The following CLCA2 variants were observed in gnomAD, a reference collection of about 807,000 sequenced individuals.
The protein encoded by CLCA2 is calcium-activated chloride channel regulator 2.
In CLCA2, 85 loss-of-function variants were observed where a neutral mutation model predicts 82.9. The ratio of observed to expected loss-of-function variants is 1.03; its 90% CI spans 0.86 to 1.23. The LOEUF (loss-of-function observed/expected upper bound fraction) is 1.23. Among genes scored for constraint, CLCA2 ranks in the 50% most tolerant of loss-of-function variants. CLCA2 has a pLI of 0.00. For missense variants in CLCA2, 1,089 were observed against 1,124.8 expected (o/e 0.97, Z 0.45); for synonymous variants, 421 against 391.7 (o/e 1.07, Z -0.88).
intron 6 of CLCA2, among the ~76,000 whole-genome samples, chr1:86,438,401 A>G (rs1200605896): frequency 6.6e-6 from 1 of 152,182 alleles, no homozygotes; most frequent in African/African-American, 2.4e-5. Context: ...TCCTCACTCT[A>G]CAGATGAAGT....
chr1:86,453,445 C>T lies in CLCA2; in HGVS notation c.2232C>T (p.Val744=). 1 of 1,614,096 alleles carries T rather than the reference C, an allele frequency of 6.2e-7. No homozygotes were observed. The highest frequency in any genetic ancestry group is 8.5e-7 in the Non-Finnish European group (1 of 1,180,016). Residue 744 remains valine, a synonymous_variant, in exon 13 of 14, where the codon GTC becomes GTT. Coordinates refer to ENST00000370565, the MANE Select transcript of CLCA2 (RefSeq NM_006536.7). ...AGCGAAAGTGGGGCTTTAGCCGAGT[C>T]AGCTCAGGAGGCTCCTTTTCAGTGC... The part of the protein sequence containing the change: ...EEERKWGFSR[V]SSGGSFSVLG...
chr1:86,452,176 C>CTTTTTTTTTTTTTTTTTTTTTTTTTTTTT (rs753484167), intron 12 of CLCA2, among the ~76,000 whole-genome samples: 2 of 43,936 alleles, frequency 4.6e-5, no homozygotes, highest in African/African-American at 9.2e-5. Flanking sequence ...AACCTGGAAG[C>CTTTTTTTTTTTTTTTTTTTTTTTTTTTTT]TTTTTTTTTT....
At position 86,443,810 on chromosome 1, in the gene CLCA2, C is replaced by T. The variant is rs2390059; in HGVS notation, c.1512C>T (p.Val504=). The stretch of plus-strand genomic sequence containing the variant: ...AGCTTGAAAGTACAGGTGAAAATGT[C>T]AAACCTCACCATCAATTGAAAAACA... ...HIQLESTGEN[V]KPHHQLKNTV... The change falls in exon 10 of 14, where the codon GTC becomes GTT. Residue 504 remains valine, a synonymous_variant. Coordinates refer to ENST00000370565, the MANE Select transcript of CLCA2 (RefSeq NM_006536.7). 0.08 allele frequency: 128,857 copies of T among 1,612,578 alleles called. 5,906 individuals are homozygous for T. Among genetic ancestry groups the T allele is most frequent in the African/African-American group, 0.17 (12,696 of 74,926 alleles).
chr1:86,433,876 G>C (rs1490692855), intron 5 of CLCA2, among the ~76,000 whole-genome samples: 1 of 152,200 alleles, frequency 6.6e-6, no homozygotes, highest in Non-Finnish European at 1.5e-5. Flanking sequence ...ACTGGGAATA[G>C]ATGGTGATGC....
At chr1:86,452,010 A>G (rs1662978949) in intron 12 of CLCA2, among the ~76,000 whole-genome samples, 1 of 152,090 alleles carries the variant, frequency 6.6e-6, no homozygotes, top group African/African-American at 2.4e-5. Context: ...AAATTATTAA[A>G]TTTAGCTAAA....
In CLCA2 at chr1:86,443,979, A is replaced by G; in HGVS notation, c.1681A>G (p.Thr561Ala). ...TTTTATCACCAATCTAACTTTTCGG[A>G]CAGCTAGTCTTTGGATTCCAGGAAC... ...NNFITNLTFR[T>A]ASLWIPGTAK... Residue 561 changes from threonine to alanine, a missense_variant, in exon 10 of 14, where the codon ACA (threonine) becomes GCA (alanine). By Grantham distance (58) the Thr-to-Ala change is moderately conservative (BLOSUM62 0). Coordinates refer to ENST00000370565, the MANE Select transcript of CLCA2 (RefSeq NM_006536.7). 3 of 1,613,272 alleles carry G rather than the reference A, an allele frequency of 1.9e-6. No homozygotes were observed. The highest frequency in any genetic ancestry group is 2.5e-6 in the Non-Finnish European group (3 of 1,179,226).
intron 6 of CLCA2, among the ~76,000 whole-genome samples, chr1:86,437,292 T>C (rs1662633833): frequency 6.6e-6 from 1 of 152,170 alleles, no homozygotes; most frequent in South Asian, 2.1e-4. Flanking sequence ...GCATCTCTGC[T>C]TTGAAATGCT....
chr1:86,425,316 G>C (rs757555301), intron 1 of CLCA2, 23 bp from the exon 2 acceptor site: 2 of 1,523,654 alleles, frequency 1.3e-6, no homozygotes, highest in African/African-American at 2.8e-5. Flanking sequence ...GGTAAAGTAA[G>C]TTTTTCTTTT....
At chr1:86,452,617 T>C (rs994789039) in intron 12 of CLCA2, among the ~76,000 whole-genome samples, 2 of 152,166 alleles carry the variant, frequency 1.3e-5, no homozygotes, top group African/African-American at 4.8e-5. Flanking sequence ...GGTTTGCTGT[T>C]CCCTCTACCT....
At chr1:86,430,809 G>A in intron 3 of CLCA2, 53 bp from the exon 4 acceptor site, 1 of 1,312,336 alleles carries the variant, frequency 7.6e-7, no homozygotes, top group Non-Finnish European at 1.1e-6. Flanking sequence ...TAGTTAGCAA[G>A]GCACATTGCT....
rs1662365843 is a variant in CLCA2 at position 86,425,328 on chromosome 1, TC to T, written c.187-10del. ...AGTGGTAAAGTAAGTTTTTCTTTTG[TC>T]TGGCTGTAGGAAATGATAACTGAAG... On this transcript the variant is annotated splice_polypyrimidine_tract_variant and intron_variant, in intron 1 of 13. Transcript: ENST00000370565. 1 of 1,542,260 alleles carries T rather than the reference TC, an allele frequency of 6.5e-7. No individual in the cohort carries two copies.
Position 86,438,869 on chromosome 1 carries a change from G to A in CLCA2, c.973-7G>A, listed in dbSNP as rs1431347623. The A allele has an allele frequency of 6.2e-7, 1 of 1,612,168 alleles. No homozygotes were observed. The highest frequency in any genetic ancestry group is 1.7e-5 in the Admixed American group (1 of 59,730). ...TGCCATTTTCTTTTTTCCTTTTTGG[G>A]ACATAGGCTGACAGACTCCTTCAAC... On this transcript the variant is annotated splice_region_variant and splice_polypyrimidine_tract_variant and intron_variant, in intron 6 of 13. Transcript: ENST00000370565.
Position 86,443,912 on chromosome 1 carries a change from T to A in CLCA2, c.1614T>A (p.Ile538=). Residue 538 remains isoleucine (I), a synonymous_variant, in exon 10 of 14, where the codon ATT becomes ATA. Transcript: ENST00000370565. ...GGCAGGCCAGTGGTCCTCCTGAGAT[T>A]ATATTATTTGATCCTGATGGACGAA... ...VTWQASGPPE[I]ILFDPDGRKY... The A allele has an allele frequency of 6.2e-7, 1 of 1,613,562 alleles. No homozygotes were observed.
At position 86,456,413 on chromosome 1, in the gene CLCA2, A is replaced by G. The variant is rs1291052118; in HGVS notation, c.*886A>G. On this transcript the variant is annotated 3_prime_UTR_variant, in exon 14 of 14. Transcript: ENST00000370565. ...AATAAGAGTCTTTAATCCTTTCTCC[A>G]TCAAGAGTTACTTACCAAGGGCAGG... 6 of 152,192 alleles carry G rather than the reference A, an allele frequency of 3.9e-5. No individual in the cohort carries two copies. Among genetic ancestry groups the G allele is most frequent in the African/African-American group, 7.2e-5 (3 of 41,450 alleles). 9.4% of individuals were successfully genotyped at this position (152,192 alleles called of 1,614,324 possible).
chr1:86,428,451 C>T lies in CLCA2; in HGVS notation c.358C>T (p.His120Tyr), dbSNP rs1662430345. 6.8e-6 allele frequency: 11 copies of T among 1,610,752 alleles called. No homozygotes were observed. Among genetic ancestry groups the T allele is most frequent in the Non-Finnish European group, 9.3e-6 (11 of 1,178,468 alleles). ...CATAGTGACTGACTGGTATGGGGCA[C>T]ATGGAGATGATCCATACACCCTACA... ...NVIVTDWYGA[H>Y]GDDPYTLQYR... Residue 120 changes from histidine to tyrosine, a missense_variant, in exon 3 of 14, where the codon CAT (histidine) becomes TAT (tyrosine). Physicochemically the swap from His to Tyr is moderately conservative, Grantham distance 83. Coordinates refer to ENST00000370565, the MANE Select transcript of CLCA2 (RefSeq NM_006536.7).
intron 1 of CLCA2, 74 bp downstream of exon 1, chr1:86,424,507 C>T: frequency 7.7e-7 from 1 of 1,297,906 alleles, no homozygotes; most frequent in East Asian, 2.4e-5. Context: ...AAGCTAACTA[C>T]CCTGCCTGGT....
chr1:86,444,604 A>T (rs17129188), intron 10 of CLCA2, among the ~76,000 whole-genome samples: 2,345 of 152,332 alleles, frequency 0.015, 67 homozygotes, highest in African/African-American at 0.054. Context: ...AGATAAAAAG[A>T]ACATGGCTGT....
At chr1:86,442,585 C>T (rs1662757536) in intron 9 of CLCA2, among the ~76,000 whole-genome samples, 1 of 152,164 alleles carries the variant, frequency 6.6e-6, no homozygotes. Flanking sequence ...ATCAGCAATC[C>T]ATAAATATTT....
chr1:86,454,086 T>C (rs1333576832), intron 13 of CLCA2, among the ~76,000 whole-genome samples: 2 of 152,216 alleles, frequency 1.3e-5, no homozygotes, highest in African/African-American at 4.8e-5. Context: ...GGCTTTCTTA[T>C]TCTCGCTTGG....
Sources: gnomAD v4.1 joint callset for allele counts (sites outside exome capture counted in the v4.1 genomes callset) on GRCh38, gnomAD v4.1.1 for gene constraint, MANE v1.5 for transcripts, NCBI Gene and HGNC (gene_info 2026-07-23, HGNC 2026-07-21) for gene names.